The following MTRF1 variants were observed in gnomAD, a reference collection of about 807,000 sequenced individuals.
MTRF1 encodes the protein mitochondrial translation release factor 1.
A neutral mutation model predicts 62.9 loss-of-function variants in MTRF1; 51 were observed. The ratio of observed to expected loss-of-function variants is 0.81; its 90% CI spans 0.65 to 1.02. MTRF1 has a LOEUF of 1.02. Ranked by LOEUF, MTRF1 falls within the 50% of genes least tolerant of loss-of-function variation. The pLI is 0.00. For missense variants in MTRF1, 446 were observed against 530.0 expected (o/e 0.84, Z 1.56); for synonymous variants, 158 against 181.9 (o/e 0.87, Z 1.06).
chr13:41,238,673 G>C (rs2037065095), intron 6 of MTRF1, among the ~76,000 whole-genome samples: 1 of 152,190 alleles, frequency 6.6e-6, no homozygotes, highest in East Asian at 1.9e-4. Context: ...ATGTACCCTA[G>C]AAATTACTTA....
chr13:41,271,967 A>T, the MTRF1 span, among the ~76,000 whole-genome samples: 1 of 152,144 alleles, frequency 6.6e-6, no homozygotes, highest in Non-Finnish European at 1.5e-5. Context: ...CCTAGGAGAA[A>T]AAAACAAAAA....
the MTRF1 span, among the ~76,000 whole-genome samples, chr13:41,291,531 C>T: frequency 6.6e-6 from 1 of 152,128 alleles, no homozygotes; most frequent in African/African-American, 2.4e-5. Flanking sequence ...CCTTTCACCT[C>T]CAACTGCTTC....
chr13:41,300,419 T>A, the MTRF1 span, among the ~76,000 whole-genome samples: 1 of 152,006 alleles, frequency 6.6e-6, no homozygotes, highest in African/African-American at 2.4e-5. Context: ...ACCCCGTCTC[T>A]ACTAAAAATA....
chr13:41,217,233 T>G lies in MTRF1; in HGVS notation c.1225-5A>C. ...CTTCCCACCACATAAAAATTCCTGGTAAAAGAGAGAGCTATTATGAAACCT... is the reference window on the plus strand; with the variant it reads ...CTTCCCACCACATAAAAATTCCTGGGAAAAGAGAGAGCTATTATGAAACCT... On this transcript the variant is annotated splice_polypyrimidine_tract_variant and splice_region_variant and intron_variant, in intron 9 of 9. Coordinates refer to ENST00000379480, the MANE Select transcript of MTRF1 (RefSeq NM_004294.4). The G allele has an allele frequency of 6.5e-7, 1 of 1,542,502 alleles. No individual in the cohort carries two copies. Among genetic ancestry groups the G allele is most frequent in the African/African-American group, 1.4e-5 (1 of 73,428 alleles).
chr13:41,297,764 A>G, the MTRF1 span, among the ~76,000 whole-genome samples: 1 of 151,796 alleles, frequency 6.6e-6, no homozygotes, highest in African/African-American at 2.4e-5. Context: ...TTTAGTAGAG[A>G]TGGGGTTTCA....
chr13:41,231,878 CA>C (rs57305711), intron 7 of MTRF1, among the ~76,000 whole-genome samples: 68,035 of 104,064 alleles, frequency 0.65, 19,774 homozygotes, highest in Admixed American at 0.68. Flanking sequence ...TGGTGTCTAC[CA>C]AAAAAAAAAA....
Position 41,242,667 on chromosome 13 carries a change from GGTTT to G in MTRF1, c.698-2238_698-2235del, listed in dbSNP as rs561589476. Among the ~76,000 whole-genome samples, 281 of 152,214 alleles carry G rather than the reference GGTTT, an allele frequency of 1.8e-3. 1 individual carries two copies. Among genetic ancestry groups the G allele is most frequent in the Non-Finnish European group, 3.1e-3 (214 of 68,022 alleles). ...TCGCTCTAAAATATCTTTTAAAGGC[GGTTT>G]GTGTAGTGAACAGCCTTGGAAATAA... On this transcript the variant is annotated intron_variant, in intron 5 of 9. Transcript: ENST00000379480.
chr13:41,311,638 A>T, the MTRF1 span: 1 of 1,539,378 alleles, frequency 6.5e-7, no homozygotes. Context: ...TCGGGCCTTA[A>T]GGGCAAGCGG....
chr13:41,303,980 G>A, the MTRF1 span, among the ~76,000 whole-genome samples: 3 of 152,042 alleles, frequency 2.0e-5, no homozygotes, highest in African/African-American at 4.8e-5. Flanking sequence ...TTTCAGGAAC[G>A]CCCTACTCTG....
At position 41,233,976 on chromosome 13, in the gene MTRF1, C is replaced by T. The variant is rs751017607; in HGVS notation, c.902G>A (p.Arg301Gln). 37 of 1,613,894 alleles carry T rather than the reference C, an allele frequency of 2.3e-5. No individual in the cohort carries two copies. In the East Asian group the frequency reaches 2.9e-4, roughly 13 times the overall value. Residue 301 changes from arginine to glutamine, a missense_variant, in exon 7 of 10, where the codon CGA (arginine) becomes CAA (glutamine). Physicochemically the swap from Arg to Gln is conservative, Grantham distance 43 (BLOSUM62 1). Coordinates refer to ENST00000379480, the MANE Select transcript of MTRF1 (RefSeq NM_004294.4). Reference protein sequence around the residue: ...VDVKLDPKDLRIDTFRAKGAG... With the variant: ...VDVKLDPKDLQIDTFRAKGAG... ...TCCTTTGGCTCGAAATGTATCTATT[C>T]GCAAATCCTTGGGGTCCAATTTCAC...
chr13:41,311,622 G>A, the MTRF1 span: 2,405 of 1,578,204 alleles, frequency 1.5e-3, 32 homozygotes, highest in African/African-American at 0.029. Flanking sequence ...CCCGGTCCCC[G>A]GGTCCTCGGG....
At chr13:41,271,805 T>C in the MTRF1 span, among the ~76,000 whole-genome samples, 2 of 151,952 alleles carry the variant, frequency 1.3e-5, no homozygotes, top group African/African-American at 4.8e-5. Flanking sequence ...GAAAACTCAG[T>C]CTCCTGTTAA....
chr13:41,270,530 T>A, the MTRF1 span, among the ~76,000 whole-genome samples: 1 of 152,208 alleles, frequency 6.6e-6, no homozygotes, highest in Non-Finnish European at 1.5e-5. Context: ...CTTGATAACC[T>A]GTCTCACTAC....
At chr13:41,303,776 T>C in the MTRF1 span, among the ~76,000 whole-genome samples, 1 of 152,174 alleles carries the variant, frequency 6.6e-6, no homozygotes, top group Non-Finnish European at 1.5e-5. Flanking sequence ...TGTCCTGATA[T>C]CCTGATGTCT....
the MTRF1 span, chr13:41,311,361 C>T: frequency 1.6e-6 from 1 of 630,918 alleles, no homozygotes; most frequent in Non-Finnish European, 2.8e-6. Context: ...TCCATTGCCA[C>T]CCGTGCCGAA....
intron 9 of MTRF1, among the ~76,000 whole-genome samples, chr13:41,220,324 G>GAA (rs1249229258): frequency 1.5e-4 from 5 of 32,634 alleles, no homozygotes; most frequent in Admixed American, 4.6e-4. Flanking sequence ...ATCTGTCTCG[G>GAA]AAAAAAAAAA....
At chr13:41,251,410 C>T (rs1265793085) in intron 5 of MTRF1, among the ~76,000 whole-genome samples, 1 of 152,112 alleles carries the variant, frequency 6.6e-6, no homozygotes, top group Non-Finnish European at 1.5e-5. Context: ...TCCTATTGCC[C>T]ATCAATCAAA....
the MTRF1 span, among the ~76,000 whole-genome samples, chr13:41,286,022 C>T: frequency 1.1e-3 from 167 of 149,660 alleles, no homozygotes; most frequent in Non-Finnish European, 1.9e-3. Flanking sequence ...CGAGATCGAG[C>T]CACTGCACTC....
chr13:41,226,948 C>A (rs943284629), intron 7 of MTRF1, among the ~76,000 whole-genome samples: 2 of 152,156 alleles, frequency 1.3e-5, no homozygotes, highest in African/African-American at 4.8e-5. Flanking sequence ...GAAGAACTTG[C>A]CTTTTCCCCT....
Sources: allele counts gnomAD v4.1 joint callset (sites outside exome capture counted in the v4.1 genomes callset), GRCh38; gene constraint gnomAD v4.1.1; transcripts MANE v1.5; gene names NCBI Gene and HGNC (gene_info 2026-07-23, HGNC 2026-07-21).